The following MYO1B variants were observed in gnomAD, a reference collection of about 807,000 sequenced individuals.
MYO1B encodes myosin IB, also known as unconventional myosin-Ib.
MYO1B carries 72 observed loss-of-function variants against 159.7 expected under a neutral mutation model. That is an observed-to-expected ratio of 0.45 (90% CI 0.37 to 0.55). The LOEUF (loss-of-function observed/expected upper bound fraction) is 0.55, where lower values mean the gene tolerates loss of function less well. Ranked by LOEUF, MYO1B falls within the 20% of genes least tolerant of loss-of-function variation. MYO1B has a pLI of 0.00. For synonymous variants in MYO1B, 468 were observed against 473.8 expected (o/e 0.99, Z 0.16); for missense variants, 1,062 against 1,364.8 (o/e 0.78, Z 3.50).
At chr2:191,260,254 C>CTTGTTTTTTTTTTTTTTTTTTTTTT (rs1686718325) in intron 1 of MYO1B, among the ~76,000 whole-genome samples, 1 of 60,962 alleles carries the variant, frequency 1.6e-5, no homozygotes, top group Non-Finnish European at 4.0e-5. Flanking sequence ...CCCAGATAGG[C>CTTGTTTTTTTTTTTTTTTTTTTTTT]TTTTTTTTTT....
At chr2:191,358,866 G>A (rs750239645) in intron 7 of MYO1B, among the ~76,000 whole-genome samples, 23 of 152,214 alleles carry the variant, frequency 1.5e-4, no homozygotes, top group Non-Finnish European at 2.8e-4. Flanking sequence ...TAGACCAAGT[G>A]GAAGGTCATC....
intron 1 of MYO1B, among the ~76,000 whole-genome samples, chr2:191,261,869 T>C (rs1323693190): frequency 2.0e-5 from 3 of 152,132 alleles, no homozygotes; most frequent in African/African-American, 4.8e-5. Context: ...AACAAAAGAT[T>C]GACAATAAAT....
intron 4 of MYO1B, among the ~76,000 whole-genome samples, chr2:191,333,899 CAAGTT>C (rs1311462228): frequency 6.6e-6 from 1 of 152,182 alleles, no homozygotes; most frequent in African/African-American, 2.4e-5. Flanking sequence ...GGTGGCAAGG[CAAGTT>C]AGAAACTCTG....
At chr2:191,338,471 G>T (rs548631613) in intron 4 of MYO1B, among the ~76,000 whole-genome samples, 1 of 152,272 alleles carries the variant, frequency 6.6e-6, no homozygotes, top group African/African-American at 2.4e-5. Flanking sequence ...TAACAGCCAA[G>T]TGATGTAAGC....
chr2:191,392,054 T>C, intron 18 of MYO1B, 54 bp from the exon 19 acceptor site: 2 of 1,377,908 alleles, frequency 1.5e-6, no homozygotes, highest in Non-Finnish European at 2.0e-6. Context: ...TGATAGAAGA[T>C]AAAACTATTT....
At chr2:191,417,820 G>A (rs1312869440) in intron 30 of MYO1B, among the ~76,000 whole-genome samples, 3 of 152,180 alleles carry the variant, frequency 2.0e-5, no homozygotes, top group Non-Finnish European at 4.4e-5. Context: ...GGAGCTTTGC[G>A]GGGATAGCGT....
intron 3 of MYO1B, among the ~76,000 whole-genome samples, chr2:191,297,684 G>A (rs979243993): frequency 6.6e-6 from 1 of 152,156 alleles, no homozygotes; most frequent in African/African-American, 2.4e-5. Flanking sequence ...TATTGGTAGC[G>A]GGGCATTTGA....
chr2:191,378,829 G>A lies in MYO1B; in HGVS notation c.1186-2633G>A, dbSNP rs1694871923. Reference sequence around the variant, plus strand: ...CTACAGTGGGAGAGATTCAACTGAAGAAAGATTTTGGGATAAGGGGTGATA... The same window carrying A: ...CTACAGTGGGAGAGATTCAACTGAAAAAAGATTTTGGGATAAGGGGTGATA... On this transcript the variant is annotated intron_variant, in intron 13 of 30. Coordinates refer to ENST00000392318, the MANE Select transcript of MYO1B (RefSeq NM_001130158.3). 2.0e-5 allele frequency among the ~76,000 whole-genome samples: 3 copies of A among 152,156 alleles called. No homozygotes were observed. The South Asian group carries it at 6.2e-4, about 32-fold the overall frequency.
chr2:191,274,507 T>TGG (rs1687636305), intron 1 of MYO1B, among the ~76,000 whole-genome samples: 1 of 152,174 alleles, frequency 6.6e-6, no homozygotes, highest in Non-Finnish European at 1.5e-5. Context: ...TTAATTTAAA[T>TGG]TGCTGGTTTG....
Position 191,409,036 on chromosome 2 carries a change from C to T in MYO1B, c.2632-8C>T, listed in dbSNP as rs762503503. On this transcript the variant is annotated splice_polypyrimidine_tract_variant and splice_region_variant and intron_variant, in intron 25 of 30. Coordinates refer to ENST00000392318, the MANE Select transcript of MYO1B (RefSeq NM_001130158.3). ...CCTCATGTAGTATTTTCTGTCAACC[C>T]AACACAGGTGCAAAAATACTTCTTG... 3.1e-6 allele frequency: 5 copies of T among 1,606,844 alleles called. No individual in the cohort carries two copies. Among genetic ancestry groups the T allele is most frequent in the Non-Finnish European group, 8.5e-7 (1 of 1,178,010 alleles).
chr2:191,308,362 T>C (rs1391699926), intron 3 of MYO1B, among the ~76,000 whole-genome samples: 2 of 152,204 alleles, frequency 1.3e-5, no homozygotes, highest in Admixed American at 1.3e-4. Flanking sequence ...ACTCGAATCC[T>C]GGCTTCCTGA....
intron 7 of MYO1B, among the ~76,000 whole-genome samples, chr2:191,355,058 G>C (rs868275102): frequency 6.6e-6 from 1 of 152,206 alleles, no homozygotes; most frequent in African/African-American, 2.4e-5. Flanking sequence ...CCAGATACTT[G>C]AGGATTGTTT....
intron 4 of MYO1B, among the ~76,000 whole-genome samples, chr2:191,335,704 T>G (rs1198063054): frequency 1.3e-5 from 2 of 152,198 alleles, no homozygotes; most frequent in African/African-American, 4.8e-5. Flanking sequence ...AATATCTCCT[T>G]TCAATAAAAG....
chr2:191,270,667 A>G (rs543222601), intron 1 of MYO1B, among the ~76,000 whole-genome samples: 76 of 152,362 alleles, frequency 5.0e-4, no homozygotes, highest in African/African-American at 1.7e-3. Context: ...GTACTGAACC[A>G]CATCCTACAG....
chr2:191,315,193 ACCCATCCATCTT>A (rs1279134917), intron 3 of MYO1B, among the ~76,000 whole-genome samples: 1 of 151,272 alleles, frequency 6.6e-6, no homozygotes, highest in African/African-American at 2.4e-5. Flanking sequence ...CCATCCATCC[ACCCATCCATCTT>A]CCCATCCATC....
chr2:191,373,180 TC>T (rs1694487354), intron 13 of MYO1B, among the ~76,000 whole-genome samples: 1 of 152,138 alleles, frequency 6.6e-6, no homozygotes, highest in African/African-American at 2.4e-5. Flanking sequence ...TAAATATTCT[TC>T]CTTTCTTCAG....
Position 191,363,820 on chromosome 2 carries a change from C to T in MYO1B, c.858C>T (p.Phe286=), listed in dbSNP as rs779570005. 10 of 1,613,712 alleles carry T rather than the reference C, an allele frequency of 6.2e-6. No individual in the cohort carries two copies. Among genetic ancestry groups the T allele is most frequent in the Non-Finnish European group, 8.5e-6 (10 of 1,179,958 alleles). ...AAVLKLGNIE[F]KPESRVNGLD... ...TGTTGAAACTGGGGAACATTGAGTT[C>T]AAGCCCGAATCTCGAGTGAATGGTC... The change falls in exon 10 of 31, where the codon TTC becomes TTT. Residue 286 remains phenylalanine, a synonymous_variant. Coordinates refer to ENST00000392318, the MANE Select transcript of MYO1B (RefSeq NM_001130158.3).
chr2:191,374,123 C>T (rs1250985632), intron 13 of MYO1B, among the ~76,000 whole-genome samples: 1 of 151,980 alleles, frequency 6.6e-6, no homozygotes, highest in African/African-American at 2.4e-5. Context: ...TTCCTGGATT[C>T]TCAGCAATGT....
intron 24 of MYO1B, among the ~76,000 whole-genome samples, chr2:191,407,055 A>G (rs1475854380): frequency 6.6e-6 from 1 of 152,218 alleles, no homozygotes; most frequent in Non-Finnish European, 1.5e-5. Context: ...AGGCAACAGC[A>G]GCTACTTTGG....
Sources: allele counts gnomAD v4.1 joint callset (sites outside exome capture counted in the v4.1 genomes callset), GRCh38; gene constraint gnomAD v4.1.1; transcripts MANE v1.5; gene names NCBI Gene and HGNC (gene_info 2026-07-23, HGNC 2026-07-21).